Variants in GOSR1 observed in about 807,000 individuals in gnomAD.
GOSR1 encodes the protein 28 kDa Golgi SNARE protein.
In GOSR1, 21 loss-of-function variants were observed where a neutral mutation model predicts 35.5. The observed-to-expected ratio is 0.59, with a 90% confidence interval of 0.42 to 0.85. The LOEUF is 0.85. GOSR1 is among the 40% of genes least tolerant of loss of function. The pLI, the probability that GOSR1 is intolerant of heterozygous loss-of-function variation, is 0.00. For missense variants in GOSR1, 285 were observed against 309.6 expected, an observed-to-expected ratio of 0.92 and a Z score of 0.60; for synonymous variants, 94 against 106.6, an observed-to-expected ratio of 0.88 and a Z score of 0.73.
At position 30,522,596 on chromosome 17, in the gene GOSR1, A is replaced by T; in HGVS notation, c.*218A>T. 1 of 295,448 alleles carries T rather than the reference A, an allele frequency of 3.4e-6. No homozygotes were observed. 18.3% of individuals were successfully genotyped at this position (295,448 alleles called of 1,614,324 possible). On this transcript the variant is annotated 3_prime_UTR_variant, in exon 9 of 9. Coordinates refer to ENST00000451249, the MANE Select transcript of GOSR1 (RefSeq NM_001007025.2). ...AACACATTTTTCTGTTTTTAATTAA[A>T]AAAAAAAAAAAAAGGTTTTCAGTTG...
intron 7 of GOSR1, 84 bp from the exon 8 acceptor site, chr17:30,519,855 A>G: frequency 1.3e-6 from 1 of 797,066 alleles, no homozygotes; most frequent in Non-Finnish European, 2.1e-6. Context: ...TGCTCACTGT[A>G]GTTTTCTTTC....
intron 6 of GOSR1, among the ~76,000 whole-genome samples, chr17:30,495,255 GAGTAGAGACAGAC>G (rs1260932444): frequency 3.3e-5 from 5 of 151,426 alleles, no homozygotes; most frequent in Middle Eastern, 3.5e-3. Context: ...GAGAATTAAG[GAGTAGAGACAGAC>G]AGACTATATT....
chr17:30,497,039 C>T (rs1436290268), intron 6 of GOSR1, among the ~76,000 whole-genome samples: 2 of 152,036 alleles, frequency 1.3e-5, no homozygotes. Flanking sequence ...AAATATTATC[C>T]TAATTTGTTG....
At position 30,477,424 on chromosome 17, in the gene GOSR1, G is replaced by A. The variant is rs759263117; in HGVS notation, c.-10G>A. Reference sequence around the variant, plus strand: ...TGCTCCCCTATCCCGGCTGACGTTGGACGACAAAGATGGCGGCAGGGACCA... The same window carrying A: ...TGCTCCCCTATCCCGGCTGACGTTGAACGACAAAGATGGCGGCAGGGACCA... On this transcript the variant is annotated 5_prime_UTR_variant, in exon 1 of 9. Transcript: ENST00000451249. The A allele has an allele frequency of 5.6e-6, 9 of 1,609,550 alleles. No individual in the cohort carries two copies. The South Asian group carries it at 9.9e-5, about 18-fold the overall frequency.
At chr17:30,482,636 A>G (rs893423044) in intron 2 of GOSR1, among the ~76,000 whole-genome samples, 1 of 151,758 alleles carries the variant, frequency 6.6e-6, no homozygotes, top group Non-Finnish European at 1.5e-5. Flanking sequence ...AAACCCTACT[A>G]TAGTGTATAC....
intron 7 of GOSR1, among the ~76,000 whole-genome samples, chr17:30,511,532 A>AT (rs5819904): frequency 5.3e-4 from 78 of 146,884 alleles, no homozygotes; most frequent in Middle Eastern, 3.5e-3. Context: ...AAACATTTGT[A>AT]TTTTTTTTTT....
At position 30,522,568 on chromosome 17, in the gene GOSR1, T is replaced by G. The variant is rs1041404540; in HGVS notation, c.*190T>G. 5 of 434,018 alleles carry G rather than the reference T, an allele frequency of 1.2e-5. No individual in the cohort carries two copies. Among genetic ancestry groups the G allele is most frequent in the Non-Finnish European group, 2.0e-5 (5 of 245,794 alleles). The allele number at this position is 434,018 out of a possible 1,614,324, so 26.9% of individuals were successfully genotyped here. On this transcript the variant is annotated 3_prime_UTR_variant, in exon 9 of 9. Coordinates refer to ENST00000451249, the MANE Select transcript of GOSR1 (RefSeq NM_001007025.2). ...GCCACAGTTTCTCTGTGCTGTGTTT[T>G]CTAACACATTTTTCTGTTTTTAATT...
chr17:30,504,060 T>C (rs1201522578), intron 6 of GOSR1, among the ~76,000 whole-genome samples: 1 of 150,848 alleles, frequency 6.6e-6, no homozygotes, highest in Non-Finnish European at 1.5e-5. Context: ...AGGGTCGTGC[T>C]CTGTCGCCCA....
chr17:30,492,942 A>G (rs1221996570), intron 6 of GOSR1, among the ~76,000 whole-genome samples, 189 bp downstream of exon 6: 1 of 151,286 alleles, frequency 6.6e-6, no homozygotes, highest in African/African-American at 2.4e-5. Context: ...GAAAGATCCT[A>G]TGCTGTTGAA....
At chr17:30,505,524 G>A (rs1032790899) in intron 6 of GOSR1, among the ~76,000 whole-genome samples, 4 of 152,118 alleles carry the variant, frequency 2.6e-5, no homozygotes, top group African/African-American at 9.7e-5. Context: ...ACCCTGTGTC[G>A]AGGAAGTCTT....
rs916536067 is a variant in GOSR1, at chr17:30,488,682, G to A, written c.343-1444G>A. Reference sequence around the variant, plus strand: ...CTGAGCAAAGTAGCTGGGACTACAGGTGCGTTCCACCACACCGGCTAAGTT... The same window carrying A: ...CTGAGCAAAGTAGCTGGGACTACAGATGCGTTCCACCACACCGGCTAAGTT... On this transcript the variant is annotated intron_variant, in intron 4 of 8. Coordinates refer to ENST00000451249, the MANE Select transcript of GOSR1 (RefSeq NM_001007025.2). Among the ~76,000 whole-genome samples the A allele has an allele frequency of 2.6e-4, 39 of 151,956 alleles. 5 individuals are homozygous for A. Among genetic ancestry groups the A allele is most frequent in the Admixed American group, 1.6e-3 (24 of 15,270 alleles).
intron 4 of GOSR1, chr17:30,485,215 T>G (rs1425229571): frequency 5.1e-6 from 1 of 196,680 alleles, no homozygotes; most frequent in East Asian, 1.3e-4. Flanking sequence ...AAATAAACTT[T>G]TAAAGATTTA....
At chr17:30,485,914 T>A (rs1481750991) in intron 4 of GOSR1, among the ~76,000 whole-genome samples, 2 of 150,960 alleles carry the variant, frequency 1.3e-5, no homozygotes, top group Non-Finnish European at 3.0e-5. Context: ...CCCAGCTACT[T>A]GTGAGGCTGA....
At chr17:30,513,167 G>A (rs1967672690) in intron 7 of GOSR1, among the ~76,000 whole-genome samples, 1 of 152,152 alleles carries the variant, frequency 6.6e-6, no homozygotes, top group Non-Finnish European at 1.5e-5. Context: ...TTAAAACTAT[G>A]TGAGCAACTG....
chr17:30,503,251 T>C (rs1967278792), intron 6 of GOSR1, among the ~76,000 whole-genome samples: 1 of 152,208 alleles, frequency 6.6e-6, no homozygotes, highest in African/African-American at 2.4e-5. Flanking sequence ...ATGTGTGCCT[T>C]TTGTAGTGTG....
intron 7 of GOSR1, among the ~76,000 whole-genome samples, chr17:30,512,452 C>T (rs892894181): frequency 7.9e-5 from 12 of 152,184 alleles, no homozygotes; most frequent in African/African-American, 2.9e-4. Context: ...CTCTTTACTC[C>T]TAAATATTTC....
chr17:30,491,805 A>G (rs191465555), intron 5 of GOSR1, among the ~76,000 whole-genome samples: 1 of 152,348 alleles, frequency 6.6e-6, no homozygotes, highest in East Asian at 1.9e-4. Context: ...TTAAGATAGA[A>G]ATGATCAGTC....
chr17:30,522,091 G>A lies in GOSR1; in HGVS notation c.623-163G>A, dbSNP rs28731220. 6.2e-3 allele frequency among the ~76,000 whole-genome samples: 939 copies of A among 152,292 alleles called. 10 individuals are homozygous for A. The highest frequency in any genetic ancestry group is 0.021 in the African/African-American group (882 of 41,550). On this transcript the variant is annotated intron_variant, in intron 8 of 8. Transcript: ENST00000451249. Reference sequence around the variant, plus strand: ...GGGCCTTGAGCCGCAGCGCGTTCCCGGTTTGGGCAACTGCATCTGCTAAAG... The same window carrying A: ...GGGCCTTGAGCCGCAGCGCGTTCCCAGTTTGGGCAACTGCATCTGCTAAAG...
chr17:30,482,288 A>T (rs567790332), intron 2 of GOSR1, among the ~76,000 whole-genome samples: 9 of 152,206 alleles, frequency 5.9e-5, no homozygotes, highest in African/African-American at 1.9e-4. Flanking sequence ...TTCATTTGTA[A>T]TTCATATGTA....
Sources: gnomAD v4.1 joint callset for allele counts (sites outside exome capture counted in the v4.1 genomes callset) on GRCh38, gnomAD v4.1.1 for gene constraint, MANE v1.5 for transcripts, NCBI Gene and HGNC (gene_info 2026-07-23, HGNC 2026-07-21) for gene names.